Variants in CAMK1D observed in about 807,000 individuals in gnomAD.
The protein encoded by CAMK1D is calcium/calmodulin dependent protein kinase ID, also known as calcium/calmodulin-dependent protein kinase type 1D.
CAMK1D carries 9 observed loss-of-function variants against 47.7 expected under a neutral mutation model. The observed-to-expected ratio is 0.19, with a 90% CI of 0.11 to 0.33. CAMK1D has a LOEUF of 0.33. CAMK1D is among the 10% of genes least tolerant of loss of function. The pLI is 1.00. For missense variants in CAMK1D, 291 were observed against 488.7 expected (o/e 0.60, Z 3.81); for synonymous variants, 184 against 184.9 (o/e 0.99, Z 0.04).
chr10:12,515,348 C>G (rs1835164179), intron 1 of CAMK1D, among the ~76,000 whole-genome samples: 1 of 151,602 alleles, frequency 6.6e-6, no homozygotes, highest in East Asian at 1.9e-4. Flanking sequence ...TCTGTCCAGC[C>G]CGAAGCCTCG....
chr10:12,395,395 C>A (rs1394550920), intron 1 of CAMK1D, among the ~76,000 whole-genome samples: 1 of 152,070 alleles, frequency 6.6e-6, no homozygotes, highest in East Asian at 1.9e-4. Context: ...TAGCTCCCAT[C>A]CTGAAGCCAC....
chr10:12,513,432 A>G (rs1835098142), intron 1 of CAMK1D, among the ~76,000 whole-genome samples: 1 of 152,132 alleles, frequency 6.6e-6, no homozygotes, highest in Non-Finnish European at 1.5e-5. Context: ...GTGGGCCTAT[A>G]AAGTAAGGCC....
At chr10:12,825,993 C>T (rs914502620) in intron 10 of CAMK1D, 16 of 348,760 alleles carry the variant, frequency 4.6e-5, no homozygotes, top group Middle Eastern at 8.5e-4. Context: ...AAAAATTAGC[C>T]GGGTGTGGTG....
At chr10:12,410,966 C>A (rs1839636024) in intron 1 of CAMK1D, among the ~76,000 whole-genome samples, 1 of 152,112 alleles carries the variant, frequency 6.6e-6, no homozygotes, top group Non-Finnish European at 1.5e-5. Flanking sequence ...GTCGTGTGTA[C>A]CAGTGATGTT....
At chr10:12,455,506 G>T (rs1159329071) in intron 1 of CAMK1D, among the ~76,000 whole-genome samples, 1 of 152,182 alleles carries the variant, frequency 6.6e-6, no homozygotes, top group Non-Finnish European at 1.5e-5. Flanking sequence ...TGTCACCTTA[G>T]ATTAGTTTTG....
At chr10:12,717,130 A>T (rs548062866) in intron 3 of CAMK1D, among the ~76,000 whole-genome samples, 1 of 152,338 alleles carries the variant, frequency 6.6e-6, no homozygotes, top group African/African-American at 2.4e-5. Context: ...ATATCTTTTT[A>T]AAAAGCAGTC....
At chr10:12,700,842 G>T (rs1833490326) in intron 3 of CAMK1D, among the ~76,000 whole-genome samples, 1 of 152,174 alleles carries the variant, frequency 6.6e-6, no homozygotes, top group Admixed American at 6.5e-5. Context: ...AAGTTTCAAA[G>T]AAATTTTAGC....
chr10:12,689,775 C>G (rs1473026162), intron 3 of CAMK1D, among the ~76,000 whole-genome samples: 1 of 136,342 alleles, frequency 7.3e-6, no homozygotes, highest in South Asian at 2.3e-4. Context: ...GACTCCACCT[C>G]AAAAAAAAAA....
At chr10:12,732,120 A>C (rs2130814300) in intron 3 of CAMK1D, among the ~76,000 whole-genome samples, 1 of 152,298 alleles carries the variant, frequency 6.6e-6, no homozygotes, top group South Asian at 2.1e-4. Flanking sequence ...GCGTGCCTGT[A>C]ATCCCAACTA....
intron 2 of CAMK1D, among the ~76,000 whole-genome samples, chr10:12,557,348 G>C (rs927721816): frequency 1.3e-5 from 2 of 152,088 alleles, no homozygotes; most frequent in Non-Finnish European, 2.9e-5. Flanking sequence ...AGGAGATCGA[G>C]ACAATCCTGG....
At chr10:12,738,555 A>G (rs578201043) in intron 3 of CAMK1D, among the ~76,000 whole-genome samples, 1 of 152,336 alleles carries the variant, frequency 6.6e-6, no homozygotes, top group East Asian at 1.9e-4. Context: ...TATTCTGGCC[A>G]GGTGCAGTGG....
intron 9 of CAMK1D, 137 bp downstream of exon 9, chr10:12,824,689 G>A (rs1833134075): frequency 1.5e-6 from 1 of 675,074 alleles, no homozygotes; most frequent in Non-Finnish European, 2.6e-6. Context: ...TAAAGACTCA[G>A]AGGGAATATT....
chr10:12,504,583 T>G (rs1461262415), intron 1 of CAMK1D, among the ~76,000 whole-genome samples: 1 of 152,158 alleles, frequency 6.6e-6, no homozygotes, highest in East Asian at 1.9e-4. Context: ...AGAAACAGCC[T>G]CATAGACACA....
intron 1 of CAMK1D, among the ~76,000 whole-genome samples, chr10:12,529,744 A>G (rs1835744748): frequency 6.6e-6 from 1 of 152,214 alleles, no homozygotes; most frequent in Non-Finnish European, 1.5e-5. Context: ...AAGCAAACGT[A>G]ATTTAAAAAT....
At chr10:12,801,519 ATTT>A (rs1415318254) in intron 6 of CAMK1D, among the ~76,000 whole-genome samples, 1 of 150,238 alleles carries the variant, frequency 6.7e-6, no homozygotes, top group Non-Finnish European at 1.5e-5. Flanking sequence ...TCCATCTTCT[ATTT>A]GTTTATCCAT....
intron 6 of CAMK1D, among the ~76,000 whole-genome samples, chr10:12,794,736 G>C (rs1427418743): frequency 6.6e-6 from 1 of 152,086 alleles, no homozygotes; most frequent in Non-Finnish European, 1.5e-5. Flanking sequence ...CCAGAACTCT[G>C]TGAGTCCCAA....
At chr10:12,686,603 C>G (rs553942590) in intron 3 of CAMK1D, among the ~76,000 whole-genome samples, 5 of 152,146 alleles carry the variant, frequency 3.3e-5, no homozygotes, top group African/African-American at 1.2e-4. Context: ...GGATTACAGG[C>G]ATTAGCCACC....
At chr10:12,785,080 C>T (rs1327673893) in intron 5 of CAMK1D, among the ~76,000 whole-genome samples, 2 of 152,200 alleles carry the variant, frequency 1.3e-5, no homozygotes, top group Admixed American at 1.3e-4. Flanking sequence ...GCCGCCCCCA[C>T]GCTAACCCCA....
intron 8 of CAMK1D, among the ~76,000 whole-genome samples, chr10:12,818,577 C>T (rs12266987): frequency 0.13 from 19,911 of 151,836 alleles, 1,487 homozygotes; most frequent in East Asian, 0.24. Flanking sequence ...AGGCTGAGGC[C>T]TGGAAATCAC....
Sources: gnomAD v4.1 joint callset for allele counts (sites outside exome capture counted in the v4.1 genomes callset) on GRCh38, gnomAD v4.1.1 for gene constraint, MANE v1.5 for transcripts, NCBI Gene and HGNC (gene_info 2026-07-23, HGNC 2026-07-21) for gene names.